The following PDS5A variants were observed in gnomAD, a reference collection of about 807,000 sequenced individuals.
PDS5A encodes the protein PDS5 cohesin associated factor A, also known as sister chromatid cohesion protein PDS5 homolog A.
Under a neutral mutation model 167.1 loss-of-function variants are expected in PDS5A, and 42 were observed. That is an observed-to-expected ratio of 0.25 (90% CI 0.20 to 0.33). The LOEUF is 0.33. Among genes scored for constraint, PDS5A ranks in the 10% least tolerant of loss-of-function variants. PDS5A has a pLI of 1.00. For synonymous variants in PDS5A, 553 were observed against 554.6 expected (o/e 1.00, Z 0.04); for missense variants, 1,033 against 1,605.9 (o/e 0.64, Z 6.10).
intron 2 of PDS5A, among the ~76,000 whole-genome samples, chr4:39,955,060 T>C (rs1728799805): frequency 6.6e-6 from 1 of 151,062 alleles, no homozygotes; most frequent in South Asian, 2.1e-4. Flanking sequence ...AAAATATAAA[T>C]AAATAAATAA....
At chr4:39,968,518 C>T (rs533364109) in intron 2 of PDS5A, among the ~76,000 whole-genome samples, 8 of 151,274 alleles carry the variant, frequency 5.3e-5, no homozygotes, top group African/African-American at 1.9e-4. Flanking sequence ...CCACAACCTC[C>T]GCCTCCTGGG....
chr4:39,831,675 C>T, intron 32 of PDS5A, among the ~76,000 whole-genome samples: 1 of 151,160 alleles, frequency 6.6e-6, no homozygotes, highest in East Asian at 2.0e-4. Flanking sequence ...GTCGGGAGTT[C>T]AAGACCAGCC....
chr4:39,916,346 G>A (rs1284538951), intron 8 of PDS5A, among the ~76,000 whole-genome samples: 1 of 152,112 alleles, frequency 6.6e-6, no homozygotes, highest in Non-Finnish European at 1.5e-5. Flanking sequence ...CTATTTTTAG[G>A]ACAGTCAAAT....
At chr4:39,860,654 C>CATAA (rs1383537375) in intron 26 of PDS5A, among the ~76,000 whole-genome samples, 1 of 151,948 alleles carries the variant, frequency 6.6e-6, no homozygotes, top group African/African-American at 2.4e-5. Flanking sequence ...ATTACTCATC[C>CATAA]ATAAAAAAGA....
intron 27 of PDS5A, among the ~76,000 whole-genome samples, chr4:39,849,230 G>A (rs1418209628): frequency 6.6e-6 from 1 of 151,968 alleles, no homozygotes; most frequent in Non-Finnish European, 1.5e-5. Context: ...CACACAAAAA[G>A]AATAAGCATT....
chr4:39,847,708 C>T (rs913514721), intron 28 of PDS5A: 4 of 152,152 alleles, frequency 2.6e-5, no homozygotes, highest in Non-Finnish European at 5.9e-5. Context: ...AATACTAAAT[C>T]AGTAATAAAA....
chr4:39,943,343 TA>T (rs1214581594), intron 2 of PDS5A, among the ~76,000 whole-genome samples: 1 of 152,158 alleles, frequency 6.6e-6, no homozygotes, highest in Non-Finnish European at 1.5e-5. Flanking sequence ...ACTTGATATA[TA>T]ATTTATTACT....
intron 17 of PDS5A, among the ~76,000 whole-genome samples, chr4:39,881,351 GT>G (rs777984259): frequency 0.023 from 3,234 of 143,390 alleles, 45 homozygotes; most frequent in Middle Eastern, 0.054. Context: ...GTATTTTTTA[GT>G]TTTTTTTTTT....
chr4:39,864,584 G>A (rs747060197), intron 23 of PDS5A, among the ~76,000 whole-genome samples: 4 of 152,104 alleles, frequency 2.6e-5, no homozygotes, highest in East Asian at 1.9e-4. Context: ...AAAGCTAGCC[G>A]GAACCCACTG....
intron 31 of PDS5A, among the ~76,000 whole-genome samples, chr4:39,841,315 CT>C (rs1189841199): frequency 6.9e-6 from 1 of 144,568 alleles, no homozygotes; most frequent in Non-Finnish European, 1.5e-5. Flanking sequence ...AATTTTTGTA[CT>C]TTTATAGAGA....
chr4:39,836,448 T>A (rs183662110), intron 32 of PDS5A, among the ~76,000 whole-genome samples: 1 of 152,244 alleles, frequency 6.6e-6, no homozygotes, highest in Admixed American at 6.5e-5. Context: ...TTTTTTGTTT[T>A]TTTTGAGATG....
chr4:39,843,178 T>A (rs1021716648), intron 30 of PDS5A, among the ~76,000 whole-genome samples: 13 of 151,462 alleles, frequency 8.6e-5, no homozygotes, highest in Non-Finnish European at 1.6e-4. Flanking sequence ...CATGGCCTTT[T>A]CTTTTTATTA....
At chr4:39,866,170 G>A (rs778378822) in intron 23 of PDS5A, among the ~76,000 whole-genome samples, 39 of 151,884 alleles carry the variant, frequency 2.6e-4, no homozygotes, top group African/African-American at 6.5e-4. Context: ...GCTGGAGTGC[G>A]GTGGCACGAT....
intron 2 of PDS5A, among the ~76,000 whole-genome samples, chr4:39,959,979 C>A (rs1729322736): frequency 6.6e-6 from 1 of 152,010 alleles, no homozygotes; most frequent in African/African-American, 2.4e-5. Flanking sequence ...AGCAGTCCCA[C>A]CAACTTGGGA....
chr4:39,829,811 C>T (rs975724179), intron 32 of PDS5A, among the ~76,000 whole-genome samples: 3 of 151,288 alleles, frequency 2.0e-5, no homozygotes, highest in Admixed American at 1.3e-4. Flanking sequence ...ATTAGCCGGG[C>T]GTGGTGGTGG....
chr4:39,841,373 A>T (rs913359590), intron 31 of PDS5A, among the ~76,000 whole-genome samples: 9 of 152,034 alleles, frequency 5.9e-5, no homozygotes, highest in Admixed American at 2.6e-4. Context: ...TACTCACCTC[A>T]TGATCCACCC....
At position 39,842,071 on chromosome 4, in the gene PDS5A, T is replaced by C. The variant is rs926940369; in HGVS notation, c.3549-15A>G. The C allele has an allele frequency of 4.1e-6, 6 of 1,453,180 alleles. No individual in the cohort carries two copies. The highest frequency in any genetic ancestry group is 1.4e-5 in the African/African-American group (1 of 71,904). The allele number at this position is 1,453,180 out of a possible 1,614,324, so 90.0% of individuals were successfully genotyped here. ...AACTCTGTTCCCTGTTTAAAACAAA[T>C]AAACCAAGACTTCATATTTCCATGA... On this transcript the variant is annotated splice_polypyrimidine_tract_variant and intron_variant, in intron 30 of 32. Coordinates refer to ENST00000303538, the MANE Select transcript of PDS5A (RefSeq NM_001100399.2).
chr4:39,867,775 C>CACA (rs199701197), intron 22 of PDS5A, among the ~76,000 whole-genome samples: 2 of 122,740 alleles, frequency 1.6e-5, no homozygotes, highest in East Asian at 2.8e-4. Flanking sequence ...CACACACACA[C>CACA]CCCACAACTG....
intron 2 of PDS5A, 153 bp downstream of exon 2, chr4:39,976,287 C>T (rs771218645): frequency 4.3e-5 from 24 of 560,498 alleles, no homozygotes; most frequent in Non-Finnish European, 7.2e-5. Context: ...ACAAAACTCA[C>T]TCAAAGATGT....
Sources: allele counts gnomAD v4.1 joint callset (sites outside exome capture counted in the v4.1 genomes callset), GRCh38; gene constraint gnomAD v4.1.1; transcripts MANE v1.5; gene names NCBI Gene and HGNC (gene_info 2026-07-23, HGNC 2026-07-21).